PSMB2: variants seen among roughly 807,000 people sequenced by gnomAD.
PSMB2 encodes the protein proteasome subunit beta type-2.
In PSMB2, 13 loss-of-function variants were observed where a neutral mutation model predicts 25.7. The ratio of observed to expected loss-of-function variants is 0.51; its 90% confidence interval spans 0.33 to 0.80. The LOEUF is 0.80. PSMB2 is among the 30% of genes least tolerant of loss of function. The probability of loss-of-function intolerance (pLI) is 0.02; values close to 1 mark genes in which losing one functional copy is unlikely to be tolerated. For synonymous variants in PSMB2, 87 were observed against 96.2 expected, an observed-to-expected ratio of 0.90 and a Z score of 0.56; for missense variants, 202 against 259.0, an observed-to-expected ratio of 0.78 and a Z score of 1.51.
At position 35,636,162 on chromosome 1, in the gene PSMB2, C is replaced by G. The variant is rs561364625; in HGVS notation, c.214+148G>C. 9 of 956,168 alleles carry G rather than the reference C, an allele frequency of 9.4e-6. No individual in the cohort carries two copies. The South Asian group carries it at 1.6e-4, about 17-fold the overall frequency. The allele number at this position is 956,168 out of a possible 1,614,324, so 59.2% of individuals were successfully genotyped here. ...AGCCAAGGAGAGAGGCCTCAGAAAT[C>G]AACGCTGCCAACACCTTAATCTTTG... On this transcript the variant is annotated intron_variant, in intron 2 of 5. Transcript: ENST00000373237.
At chr1:35,603,929 G>C (rs1283424403) in intron 5 of PSMB2, among the ~76,000 whole-genome samples, 1 of 151,120 alleles carries the variant, frequency 6.6e-6, no homozygotes, top group African/African-American at 2.5e-5. Context: ...CAGCTACTTG[G>C]GAGGATCGCT....
rs889622574 is a variant in PSMB2, at chr1:35,600,924, T to C, written c.*2343A>G. 13 of 984,678 alleles carry C rather than the reference T, an allele frequency of 1.3e-5. No homozygotes were observed. The highest frequency in any genetic ancestry group is 1.6e-5 in the Non-Finnish European group (13 of 829,260). The allele number at this position is 984,678 out of a possible 1,614,324, so 61.0% of individuals were successfully genotyped here. On this transcript the variant is annotated 3_prime_UTR_variant, in exon 6 of 6. Coordinates refer to ENST00000373237, the MANE Select transcript of PSMB2 (RefSeq NM_002794.5). ...CTAAATGTTTACCTATATTACTTCA[T>C]GGAATTCTCATATCTACCACATAGA...
At chr1:35,610,913 C>A (rs1246275240) in intron 3 of PSMB2, among the ~76,000 whole-genome samples, 2 of 152,196 alleles carry the variant, frequency 1.3e-5, no homozygotes, top group Non-Finnish European at 2.9e-5. Context: ...CTTTGTATTA[C>A]CTGCAAATCT....
At chr1:35,627,354 G>T (rs189134559) in intron 3 of PSMB2, among the ~76,000 whole-genome samples, 5 of 150,400 alleles carry the variant, frequency 3.3e-5, no homozygotes, top group African/African-American at 1.2e-4. Context: ...AACAGCAATC[G>T]CAGCATAAAA....
chr1:35,605,161 C>T (rs956640176), intron 5 of PSMB2, 72 bp downstream of exon 5: 14 of 1,460,752 alleles, frequency 9.6e-6, no homozygotes, highest in Non-Finnish European at 1.3e-5. Flanking sequence ...AAAAATATAA[C>T]TGAGGAACAG....
chr1:35,607,733 G>C (rs187258013), intron 4 of PSMB2, among the ~76,000 whole-genome samples: 149 of 152,232 alleles, frequency 9.8e-4, no homozygotes, highest in Non-Finnish European at 1.8e-3. Flanking sequence ...TATCACTGGG[G>C]AAATATTGCA....
chr1:35,616,347 C>T (rs1262777647), intron 3 of PSMB2, among the ~76,000 whole-genome samples: 1 of 152,204 alleles, frequency 6.6e-6, no homozygotes, highest in Non-Finnish European at 1.5e-5. Context: ...CTACTGCTCT[C>T]TATTTCACTT....
chr1:35,610,345 T>C (rs1277392293), intron 3 of PSMB2, among the ~76,000 whole-genome samples: 2 of 151,536 alleles, frequency 1.3e-5, no homozygotes, highest in Non-Finnish European at 2.9e-5. Context: ...GAGGCTAAGG[T>C]GGGAGGATCA....
At chr1:35,617,174 G>C (rs115013507) in intron 3 of PSMB2, among the ~76,000 whole-genome samples, 1 of 152,032 alleles carries the variant, frequency 6.6e-6, no homozygotes, top group African/African-American at 2.4e-5. Context: ...TCAGCCTCTG[G>C]AGTAGCTGGT....
intron 4 of PSMB2, among the ~76,000 whole-genome samples, chr1:35,608,144 C>T (rs1650222835): frequency 6.6e-6 from 1 of 152,094 alleles, no homozygotes; most frequent in Admixed American, 6.6e-5. Flanking sequence ...GCGGGTGGAT[C>T]ACTTGAAGTC....
rs116800159 is a variant in PSMB2 at position 35,631,941 on chromosome 1, A to G, written c.215-597T>C. ...TTAGGAGGCTGAGTGGAGAGGATCA[A>G]TTGACCCCAGAAGTTCAAGTGAGTT... On this transcript the variant is annotated intron_variant, in intron 2 of 5. Coordinates refer to ENST00000373237, the MANE Select transcript of PSMB2 (RefSeq NM_002794.5). Among the ~76,000 whole-genome samples the G allele has an allele frequency of 8.0e-3, 1,220 of 152,176 alleles. 6 individuals carry two copies. The highest frequency in any genetic ancestry group is 0.027 in the Middle Eastern group (8 of 294).
rs531640122 is a variant in PSMB2, at chr1:35,609,247, C to G, written c.447G>C (p.Pro149=). Residue 149 remains proline (P), a splice_region_variant and synonymous_variant, in exon 4 of 6, where the codon CCG becomes CCC. Transcript: ENST00000373237. ...TLSILDRYYT[P]TISRERAVEL... ...CCTCCCTAGAGTATTAATACTTACTCGGTGTGTAGTATCGGTCGAGGATAC... is the reference window on the plus strand; with the variant it reads ...CCTCCCTAGAGTATTAATACTTACTGGGTGTGTAGTATCGGTCGAGGATAC... 6.3e-7 allele frequency: 1 copy of G among 1,590,798 alleles called. No homozygotes were observed. Among genetic ancestry groups the G allele is most frequent in the East Asian group, 2.3e-5 (1 of 44,014 alleles).
intron 2 of PSMB2, among the ~76,000 whole-genome samples, chr1:35,632,524 G>T (rs945731862): frequency 6.6e-6 from 1 of 152,298 alleles, no homozygotes; most frequent in East Asian, 1.9e-4. Flanking sequence ...ATGTTTCAGG[G>T]TCTATGCTGA....
intron 2 of PSMB2, among the ~76,000 whole-genome samples, chr1:35,634,129 CTTAA>C (rs1385679321): frequency 6.6e-6 from 1 of 152,182 alleles, no homozygotes; most frequent in Non-Finnish European, 1.5e-5. Context: ...TCACAAAAGT[CTTAA>C]TTATCTCTCT....
chr1:35,633,944 G>C (rs1485629861), intron 2 of PSMB2, among the ~76,000 whole-genome samples: 1 of 152,228 alleles, frequency 6.6e-6, no homozygotes, highest in African/African-American at 2.4e-5. Flanking sequence ...TATTATACCA[G>C]TGCAGTGTAT....
At chr1:35,635,902 T>G (rs1446455572) in intron 2 of PSMB2, among the ~76,000 whole-genome samples, 2 of 151,976 alleles carry the variant, frequency 1.3e-5, no homozygotes, top group African/African-American at 4.8e-5. Context: ...CAGTTCAAAT[T>G]TAAAGACAAA....
At chr1:35,611,695 G>A (rs1650347757) in intron 3 of PSMB2, among the ~76,000 whole-genome samples, 2 of 152,012 alleles carry the variant, frequency 1.3e-5, no homozygotes, top group Non-Finnish European at 2.9e-5. Context: ...GTGGTGGCAC[G>A]AGCCTATAAT....
intron 3 of PSMB2, among the ~76,000 whole-genome samples, chr1:35,626,733 ATGG>A (rs1650873536): frequency 6.6e-6 from 1 of 152,328 alleles, no homozygotes; most frequent in East Asian, 1.9e-4. Flanking sequence ...CACACATCTT[ATGG>A]TGTCATAATA....
intron 2 of PSMB2, among the ~76,000 whole-genome samples, chr1:35,635,783 C>T (rs1049069228): frequency 2.1e-5 from 3 of 143,458 alleles, no homozygotes; most frequent in African/African-American, 7.9e-5. Context: ...AAGCAGAGAT[C>T]GCGCCATTGC....
Sources: gnomAD v4.1 joint callset for allele counts (sites outside exome capture counted in the v4.1 genomes callset) on GRCh38, gnomAD v4.1.1 for gene constraint, MANE v1.5 for transcripts, NCBI Gene and HGNC (gene_info 2026-07-23, HGNC 2026-07-21) for gene names.